Variants in LYPLAL1 observed in about 807,000 individuals in gnomAD.
The protein encoded by LYPLAL1 is lysophospholipase like 1.
In LYPLAL1, 23 loss-of-function variants were observed where a neutral mutation model predicts 19.7. The observed-to-expected ratio is 1.17, with a 90% CI of 0.84 to 1.65. The LOEUF (loss-of-function observed/expected upper bound fraction) is 1.65, where lower values mean the gene tolerates loss of function less well. Ranked by LOEUF, LYPLAL1 falls within the 40% of genes most tolerant of loss-of-function variation. LYPLAL1 has a pLI of 0.00. For synonymous variants in LYPLAL1, 119 were observed against 96.3 expected (o/e 1.24, Z -1.38); for missense variants, 355 against 279.4 (o/e 1.27, Z -1.93).
chr1:219,377,038 C>T, the LYPLAL1 span, among the ~76,000 whole-genome samples: 2 of 152,080 alleles, frequency 1.3e-5, no homozygotes, highest in Admixed American at 6.5e-5. Context: ...CACCCATGTT[C>T]GTAGAAGCAT....
the LYPLAL1 span, among the ~76,000 whole-genome samples, chr1:219,321,016 A>G: frequency 6.6e-6 from 1 of 152,210 alleles, no homozygotes; most frequent in Non-Finnish European, 1.5e-5. Flanking sequence ...GAATCACCAC[A>G]CTGTCTTCCA....
intron 2 of LYPLAL1, among the ~76,000 whole-genome samples, chr1:219,181,616 A>C (rs1321472197): frequency 6.6e-6 from 1 of 152,188 alleles, no homozygotes; most frequent in East Asian, 1.9e-4. Context: ...TGGGAGCAAA[A>C]GTGTGAGGGT....
the LYPLAL1 span, among the ~76,000 whole-genome samples, chr1:219,370,731 A>G: frequency 6.6e-6 from 1 of 152,194 alleles, no homozygotes. Flanking sequence ...AAGGAATGCC[A>G]TAGCTATATG....
chr1:219,287,161 C>T, the LYPLAL1 span, among the ~76,000 whole-genome samples: 7 of 152,108 alleles, frequency 4.6e-5, no homozygotes, highest in African/African-American at 1.7e-4. Flanking sequence ...ACCTCTAAAA[C>T]CAAAACAATC....
chr1:219,403,716 A>T, the LYPLAL1 span, among the ~76,000 whole-genome samples: 4 of 152,228 alleles, frequency 2.6e-5, no homozygotes, highest in Non-Finnish European at 5.9e-5. Flanking sequence ...AAAGATTAGA[A>T]GACTGTTGCG....
the LYPLAL1 span, among the ~76,000 whole-genome samples, chr1:219,391,288 G>A: frequency 2.0e-5 from 3 of 152,184 alleles, no homozygotes; most frequent in Admixed American, 1.3e-4. Context: ...TGAGAACTTG[G>A]CTCAGCTTGC....
At chr1:219,437,677 G>A in the LYPLAL1 span, among the ~76,000 whole-genome samples, 2 of 151,888 alleles carry the variant, frequency 1.3e-5, no homozygotes, top group Non-Finnish European at 2.9e-5. Context: ...ATTGTTTTTA[G>A]GGTGTGCAAC....
the LYPLAL1 span, among the ~76,000 whole-genome samples, chr1:219,301,603 G>A: frequency 1.3e-5 from 2 of 152,006 alleles, no homozygotes; most frequent in African/African-American, 4.8e-5. Context: ...TCTGAGACAT[G>A]GAAAAAGACA....
At chr1:219,310,780 T>A in the LYPLAL1 span, among the ~76,000 whole-genome samples, 3 of 152,214 alleles carry the variant, frequency 2.0e-5, no homozygotes, top group African/African-American at 7.2e-5. Context: ...TGTAGGAAAC[T>A]GGTTAAGAAA....
At chr1:219,405,671 A>G in the LYPLAL1 span, among the ~76,000 whole-genome samples, 1 of 152,206 alleles carries the variant, frequency 6.6e-6, no homozygotes, top group African/African-American at 2.4e-5. Flanking sequence ...CAAGGTAGCA[A>G]TAAACCTTTT....
intron 3 of LYPLAL1, among the ~76,000 whole-genome samples, chr1:219,196,980 G>T (rs1228808890): frequency 6.6e-6 from 1 of 152,058 alleles, no homozygotes; most frequent in Non-Finnish European, 1.5e-5. Flanking sequence ...AAGGAAATAA[G>T]AGAGGACATA....
At chr1:219,208,562 C>A (rs1228518970) in intron 3 of LYPLAL1, among the ~76,000 whole-genome samples, 1 of 151,836 alleles carries the variant, frequency 6.6e-6, no homozygotes, top group Non-Finnish European at 1.5e-5. Context: ...ACTATACTTA[C>A]CACTGAGCGT....
chr1:219,428,678 G>A, the LYPLAL1 span, among the ~76,000 whole-genome samples: 4 of 152,098 alleles, frequency 2.6e-5, no homozygotes, highest in East Asian at 1.9e-4. Context: ...CTCTTATATC[G>A]AATTAGAATT....
the LYPLAL1 span, among the ~76,000 whole-genome samples, chr1:219,219,564 G>A: frequency 2.0e-5 from 3 of 152,322 alleles, no homozygotes; most frequent in African/African-American, 4.8e-5. Flanking sequence ...GCAGTTCTTG[G>A]TTTATGCAGG....
the LYPLAL1 span, among the ~76,000 whole-genome samples, chr1:219,371,195 C>A: frequency 6.6e-6 from 1 of 152,140 alleles, no homozygotes; most frequent in African/African-American, 2.4e-5. Flanking sequence ...TGTGGGTATG[C>A]ATTCCTTGGA....
At chr1:219,194,783 A>G (rs1344211550) in intron 3 of LYPLAL1, among the ~76,000 whole-genome samples, 2 of 152,132 alleles carry the variant, frequency 1.3e-5, no homozygotes, top group South Asian at 2.1e-4. Flanking sequence ...GAAAGATTTA[A>G]TAGAAAGATG....
the LYPLAL1 span, among the ~76,000 whole-genome samples, chr1:219,364,313 G>A: frequency 1.3e-5 from 2 of 152,088 alleles, no homozygotes; most frequent in Non-Finnish European, 1.5e-5. Flanking sequence ...TGAGTGTTCT[G>A]TTACTTGTAG....
At chr1:219,403,809 C>A in the LYPLAL1 span, among the ~76,000 whole-genome samples, 1 of 152,146 alleles carries the variant, frequency 6.6e-6, no homozygotes, top group African/African-American at 2.4e-5. Flanking sequence ...TTTCAATGAG[C>A]CATTTATATA....
the LYPLAL1 span, among the ~76,000 whole-genome samples, chr1:219,312,962 C>T: frequency 1.1e-3 from 166 of 152,318 alleles, no homozygotes; most frequent in African/African-American, 3.8e-3. Flanking sequence ...AATACAGTCA[C>T]ACTTCAATGA....
Sources: gnomAD v4.1 joint callset for allele counts (sites outside exome capture counted in the v4.1 genomes callset) on GRCh38, gnomAD v4.1.1 for gene constraint, MANE v1.5 for transcripts, NCBI Gene and HGNC (gene_info 2026-07-23, HGNC 2026-07-21) for gene names.